Variants in MYO1E observed in about 807,000 individuals in gnomAD.
MYO1E encodes unconventional myosin-Ie.
In MYO1E, 68 loss-of-function variants were observed where a neutral mutation model predicts 151.1. The ratio of observed to expected loss-of-function variants is 0.45; its 90% CI spans 0.37 to 0.55. The LOEUF (loss-of-function observed/expected upper bound fraction) is 0.55, where lower values mean the gene tolerates loss of function less well. Among genes scored for constraint, MYO1E ranks in the 20% least tolerant of loss-of-function variants. MYO1E has a pLI of 0.00. For synonymous variants in MYO1E, 601 were observed against 501.7 expected (o/e 1.20, Z -2.64); for missense variants, 1,363 against 1,389.3 (o/e 0.98, Z 0.30).
At chr15:59,191,737 T>C (rs1460758074) in intron 17 of MYO1E, among the ~76,000 whole-genome samples, 1 of 152,200 alleles carries the variant, frequency 6.6e-6, no homozygotes, top group African/African-American at 2.4e-5. Flanking sequence ...TTGGGGGTCA[T>C]CAAAGCGACA....
chr15:59,208,419 C>A, intron 14 of MYO1E: 1 of 579,748 alleles, frequency 1.7e-6, no homozygotes, highest in Non-Finnish European at 3.1e-6. Context: ...TATGCTATTT[C>A]TTTCATTCTT....
chr15:59,280,832 ATAT>A (rs1440944343), intron 1 of MYO1E, among the ~76,000 whole-genome samples: 1 of 152,188 alleles, frequency 6.6e-6, no homozygotes, highest in Non-Finnish European at 1.5e-5. Context: ...AGATGAAAAA[ATAT>A]TATAAAAATT....
At chr15:59,149,835 G>A (rs1200074548) in intron 26 of MYO1E, among the ~76,000 whole-genome samples, 2 of 152,204 alleles carry the variant, frequency 1.3e-5, no homozygotes, top group Non-Finnish European at 2.9e-5. Context: ...CAAGGTGACT[G>A]TTTAGAACTT....
intron 3 of MYO1E, among the ~76,000 whole-genome samples, chr15:59,256,766 AG>A (rs1292816570): frequency 2.0e-5 from 3 of 152,174 alleles, no homozygotes; most frequent in Non-Finnish European, 4.4e-5. Context: ...AGGTCTTTGG[AG>A]AGGCCTGCCA....
At chr15:59,147,639 A>T (rs2079449909) in intron 26 of MYO1E, among the ~76,000 whole-genome samples, 1 of 151,320 alleles carries the variant, frequency 6.6e-6, no homozygotes, top group South Asian at 2.1e-4. Context: ...AGAAAGGAAG[A>T]GACTGTGGAA....
chr15:59,153,794 A>G lies in MYO1E; in HGVS notation c.2879-3T>C. The G allele has an allele frequency of 6.2e-7, 1 of 1,611,490 alleles. No homozygotes were observed. The highest frequency in any genetic ancestry group is 8.5e-7 in the Non-Finnish European group (1 of 1,177,622). Reference sequence around the variant, plus strand: ...GATGACTCCGTTCTGATGGTATCCTAGAGAGAGGAACAGAGAAGGAAATAA... The same window carrying G: ...GATGACTCCGTTCTGATGGTATCCTGGAGAGAGGAACAGAGAAGGAAATAA... On this transcript the variant is annotated splice_polypyrimidine_tract_variant and splice_region_variant and intron_variant, in intron 25 of 27. Transcript: ENST00000288235.
intron 1 of MYO1E, among the ~76,000 whole-genome samples, chr15:59,326,556 C>T (rs1328334360): frequency 1.3e-5 from 2 of 152,158 alleles, no homozygotes; most frequent in Admixed American, 6.5e-5. Flanking sequence ...AGTCTGAACC[C>T]ATTTTTCAAT....
Position 59,171,965 on chromosome 15 carries a change from GT to G in MYO1E, c.2411del (p.Asp804AlafsTer5). On this transcript the variant is annotated frameshift_variant, in exon 22 of 28. Transcript: ENST00000288235. LOFTEE classifies it high-confidence loss of function. ...TCAGGACTTCTTTCACCAGGCCCTT[GT>G]CTGGGCCCTGTTTGACTTTTTCTCG... ...IGREKVKQGP[D>X]KGLVKEVLKR... 1 of 1,614,198 alleles carries G rather than the reference GT, an allele frequency of 6.2e-7. No individual in the cohort carries two copies. The highest frequency in any genetic ancestry group is 8.5e-7 in the Non-Finnish European group (1 of 1,180,032).
chr15:59,333,439 T>A, intron 1 of MYO1E, among the ~76,000 whole-genome samples: 1 of 152,106 alleles, frequency 6.6e-6, no homozygotes, highest in East Asian at 1.9e-4. Context: ...GATGGAGTTT[T>A]GCCATGTTGG....
chr15:59,273,536 C>A (rs531574334), intron 1 of MYO1E, among the ~76,000 whole-genome samples: 1 of 152,258 alleles, frequency 6.6e-6, no homozygotes, highest in African/African-American at 2.4e-5. Flanking sequence ...GGAGGTTAGG[C>A]CACTTTGTCC....
chr15:59,205,372 CCT>C (rs767019157), intron 15 of MYO1E, 26 bp downstream of exon 15: 6 of 1,603,574 alleles, frequency 3.7e-6, no homozygotes, highest in African/African-American at 1.3e-5. Context: ...ACCTATATCC[CCT>C]GTCAGCTATG....
chr15:59,282,475 A>G (rs1301099204), intron 1 of MYO1E, among the ~76,000 whole-genome samples: 1 of 151,976 alleles, frequency 6.6e-6, no homozygotes, highest in Non-Finnish European at 1.5e-5. Context: ...AAGCATTACC[A>G]AAACGGTTCT....
chr15:59,332,377 CA>C (rs1448245334), intron 1 of MYO1E, among the ~76,000 whole-genome samples: 5 of 152,154 alleles, frequency 3.3e-5, no homozygotes, highest in Admixed American at 1.3e-4. Flanking sequence ...TTTACCTTCT[CA>C]AAATTAAAAA....
In MYO1E at chr15:59,161,143, G is replaced by T. The variant is rs1247037441; in HGVS notation, c.2715C>A (p.Asp905Glu). Residue 905 changes from aspartate to glutamate, a missense_variant, in exon 24 of 28, where the codon GAC (aspartate) becomes GAA (glutamate). Asp to Glu is a conservative substitution (Grantham distance 45). Transcript: ENST00000288235. Reference sequence around the variant, plus strand: ...TGTTACTGGGCTTGAGGACAGCCAGGTCCCCAAACCCTTGGTGGAACTGCA... The same window carrying T: ...TGTTACTGGGCTTGAGGACAGCCAGTTCCCCAAACCCTTGGTGGAACTGCA... Reference protein sequence around the residue: ...RQVQFHQGFGDLAVLKPSNKV... With the variant: ...RQVQFHQGFGELAVLKPSNKV... 5 of 1,614,016 alleles carry T rather than the reference G, an allele frequency of 3.1e-6. No individual in the cohort carries two copies. The Admixed American group carries it at 8.3e-5, about 27-fold the overall frequency.
intron 26 of MYO1E, among the ~76,000 whole-genome samples, chr15:59,151,065 G>A (rs1393846099): frequency 6.3e-5 from 9 of 143,648 alleles, no homozygotes; most frequent in African/African-American, 2.4e-4. Flanking sequence ...GCGCGCGCAC[G>A]TGCACTTAGA....
chr15:59,161,081 T>C lies in MYO1E; in HGVS notation c.2777A>G (p.Lys926Arg), dbSNP rs370161809. The C allele has an allele frequency of 1.9e-6, 3 of 1,613,400 alleles. No homozygotes were observed. The highest frequency in any genetic ancestry group is 2.7e-5 in the African/African-American group (2 of 74,906). ...GCCCGTGGAGCACTTACGGGAGTTCTTGGGCAGTCCAGGTCCGATGCTGAC... is the reference window on the plus strand; with the variant it reads ...GCCCGTGGAGCACTTACGGGAGTTCCTGGGCAGTCCAGGTCCGATGCTGAC... ...LQVSIGPGLP[K>R]NSRPTRRNTT... The change falls in exon 24 of 28, where the codon AAG becomes AGG. Residue 926 changes from lysine to arginine, a missense_variant. Transcript: ENST00000288235.
intron 4 of MYO1E, among the ~76,000 whole-genome samples, chr15:59,253,715 C>T (rs2140369063): frequency 6.6e-6 from 1 of 152,024 alleles, no homozygotes; most frequent in East Asian, 1.9e-4. Flanking sequence ...CTCCTGACCT[C>T]GTAATCTGCC....
chr15:59,138,265 G>A lies in MYO1E; in HGVS notation c.3183C>T (p.Ala1061=). 6.2e-7 allele frequency: 1 copy of A among 1,614,246 alleles called. No homozygotes were observed. Among genetic ancestry groups the A allele is most frequent in the Non-Finnish European group, 8.5e-7 (1 of 1,180,040 alleles). Residue 1061 remains alanine (A), a synonymous_variant, in exon 27 of 28, where the codon GCC becomes GCT. Coordinates refer to ENST00000288235, the MANE Select transcript of MYO1E (RefSeq NM_004998.4). The part of the protein sequence containing the change: ...PQVPQCKALY[A]YDAQDTDELS... The stretch of plus-strand genomic sequence containing the variant: ...GTTCGTCTGTGTCCTGAGCGTCATA[G>A]GCATACAAAGCCTTGCACTGTGGCA...
chr15:59,207,867 A>G (rs761413024), intron 14 of MYO1E: 2 of 1,614,246 alleles, frequency 1.2e-6, no homozygotes, highest in Middle Eastern at 1.6e-4. Context: ...CCGATTTAAC[A>G]GAAAGTATTT....
Sources: allele counts gnomAD v4.1 joint callset (sites outside exome capture counted in the v4.1 genomes callset), GRCh38; gene constraint gnomAD v4.1.1; transcripts MANE v1.5; gene names NCBI Gene and HGNC (gene_info 2026-07-23, HGNC 2026-07-21).